TMEM130: variants seen among roughly 807,000 people sequenced by gnomAD.
TMEM130 encodes the protein transmembrane protein 130.
Under a neutral mutation model 42.9 loss-of-function variants are expected in TMEM130, and 37 were observed. The ratio of observed to expected loss-of-function variants is 0.86; its 90% CI spans 0.66 to 1.13. TMEM130 has a LOEUF of 1.13. Ranked by LOEUF, TMEM130 falls within the 50% of genes most tolerant of loss-of-function variation. The pLI, the probability that TMEM130 is intolerant of heterozygous loss-of-function variation, is 0.00. For missense variants in TMEM130, 545 were observed against 562.6 expected, an observed-to-expected ratio of 0.97 and a Z score of 0.32; for synonymous variants, 259 against 237.7, an observed-to-expected ratio of 1.09 and a Z score of -0.82.
intron 2 of TMEM130, 132 bp downstream of exon 2, chr7:98,862,963 G>C: frequency 1.0e-6 from 1 of 992,420 alleles, no homozygotes; most frequent in South Asian, 1.6e-5. Flanking sequence ...CTGACCCGGG[G>C]AAGGAACCTA....
intron 6 of TMEM130, among the ~76,000 whole-genome samples, chr7:98,850,269 A>ATTTTTTTTTTTTTTTTTTT (rs1244635646): frequency 3.3e-5 from 1 of 30,166 alleles, no homozygotes; most frequent in African/African-American, 9.6e-5. Flanking sequence ...ATATATATAT[A>ATTTTTTTTTTTTTTTTTTT]TATATTTTTT....
chr7:98,848,154 A>G lies in TMEM130; in HGVS notation c.1174T>C (p.Phe392Leu). Residue 392 changes from phenylalanine (F) to leucine (L), a missense_variant, in exon 8 of 8, where the codon TTC (phenylalanine) becomes CTC (leucine). Physicochemically the swap from Phe to Leu is conservative, Grantham distance 22 (BLOSUM62 0). Transcript: ENST00000339375. ...RCCCQMCCGP[F>L]LLETPSEYLE... ...TACTCAGATGGAGTCTCCAGCAAGA[A>G]AGGCCCACAGCACATCTGGCAGCAG... 1 of 1,614,154 alleles carries G rather than the reference A, an allele frequency of 6.2e-7. No homozygotes were observed. Among genetic ancestry groups the G allele is most frequent in the Non-Finnish European group, 8.5e-7 (1 of 1,180,030 alleles).
chr7:98,857,473 G>T (rs1480127303), intron 3 of TMEM130, among the ~76,000 whole-genome samples: 1 of 152,102 alleles, frequency 6.6e-6, no homozygotes, highest in African/African-American at 2.4e-5. Flanking sequence ...GCCAAGGTGG[G>T]AGGACTGCTT....
intron 1 of TMEM130, among the ~76,000 whole-genome samples, chr7:98,863,789 CTCT>C (rs1282910968): frequency 2.9e-5 from 4 of 136,162 alleles, no homozygotes; most frequent in Non-Finnish European, 4.4e-5. Flanking sequence ...CCTCCCTCCT[CTCT>C]TTTTTCTTTC....
chr7:98,856,065 C>T lies in TMEM130; in HGVS notation c.670G>A (p.Ala224Thr), dbSNP rs1554398949. The T allele has an allele frequency of 9.3e-6, 15 of 1,613,758 alleles. No individual in the cohort carries two copies. Among genetic ancestry groups the T allele is most frequent in the African/African-American group, 1.3e-5 (1 of 75,046 alleles). ...WEEVEPDATR[A>T]VKQKTGDFSA... ...AAGTCCCCGGTCTTCTGCTTCACAG[C>T]CCTCGTGGCATCCGGCTCCACCTCT... Residue 224 changes from alanine to threonine, a missense_variant, in exon 4 of 8, where the codon GCT becomes ACT. Transcript: ENST00000339375.
At chr7:98,854,495 T>C (rs1354534153) in intron 5 of TMEM130, among the ~76,000 whole-genome samples, 1 of 152,130 alleles carries the variant, frequency 6.6e-6, no homozygotes, top group Non-Finnish European at 1.5e-5. Context: ...TCCCAGCACT[T>C]GGGGAGGCCA....
Position 98,863,113 on chromosome 7 carries a change from C to T in TMEM130, c.373G>A (p.Val125Met). 1 of 1,612,966 alleles carries T rather than the reference C, an allele frequency of 6.2e-7. No individual in the cohort carries two copies. The highest frequency in any genetic ancestry group is 8.5e-7 in the Non-Finnish European group (1 of 1,179,588). ...WMCQPVARGF[V>M]VLPITEFLVG... Reference sequence around the variant, plus strand: ...CCCTCACCTGTGATGGGGAGGACCACAAAGCCCCTGGCCACAGGCTGGCAC... The same window carrying T: ...CCCTCACCTGTGATGGGGAGGACCATAAAGCCCCTGGCCACAGGCTGGCAC... The change falls in exon 2 of 8, where the codon GTG becomes ATG. Residue 125 changes from valine to methionine, a missense_variant. Physicochemically the swap from Val to Met is conservative, Grantham distance 21. Transcript: ENST00000339375.
chr7:98,863,474 G>T (rs1025726731), intron 1 of TMEM130, 74 bp from the exon 2 acceptor site: 2 of 1,377,556 alleles, frequency 1.5e-6, no homozygotes, highest in African/African-American at 1.4e-5. Context: ...CTCTGGGCTG[G>T]CATCAACTAT....
In TMEM130 at chr7:98,848,685, C is replaced by T. The variant is rs761256582; in HGVS notation, c.1017G>A (p.Pro339=). 9.9e-5 allele frequency: 160 copies of T among 1,612,190 alleles called. 1 individual carries two copies. The East Asian group carries it at 1.9e-3, about 19-fold the overall frequency. The change falls in exon 7 of 8, where the codon CCG becomes CCA. Residue 339 remains proline, a synonymous_variant. Transcript: ENST00000339375. ...KIQVWPSRIQ[P]AVFAFPCATL... ...TAGCACATGGGAAAGCAAAGACAGC[C>T]GGCTGGATTCCTGGGAATGAAAGAA...
In TMEM130 at chr7:98,852,701, T is replaced by G. The variant is rs528374959; in HGVS notation, c.804-1078A>C. On this transcript the variant is annotated intron_variant, in intron 5 of 7. Transcript: ENST00000339375. ...CCTTTGCCTCCTGGGTTCAAGTGAG[T>G]CTTCCACCTCAGCCTCCCAAGTAGC... Among the ~76,000 whole-genome samples, 5 of 151,620 alleles carry G rather than the reference T, an allele frequency of 3.3e-5. No individual in the cohort carries two copies. The South Asian group carries it at 1.0e-3, about 32-fold the overall frequency.
chr7:98,850,264 TATA>T (rs1287298756), intron 6 of TMEM130, among the ~76,000 whole-genome samples: 16 of 51,260 alleles, frequency 3.1e-4, no homozygotes, highest in African/African-American at 8.6e-4. Flanking sequence ...TATATATATA[TATA>T]TATATATTTT....
At chr7:98,858,789 C>T (rs1251666008) in intron 3 of TMEM130, among the ~76,000 whole-genome samples, 1 of 151,998 alleles carries the variant, frequency 6.6e-6, no homozygotes, top group South Asian at 2.1e-4. Context: ...GAGGTCAAGG[C>T]GGCAGTGATC....
chr7:98,860,070 A>G, intron 3 of TMEM130, 109 bp downstream of exon 3: 1 of 782,074 alleles, frequency 1.3e-6, no homozygotes. Flanking sequence ...CTGCATCTCA[A>G]AAAAAAAAAA....
At chr7:98,856,283 A>G (rs1385124383) in intron 3 of TMEM130, 100 bp from the exon 4 acceptor site, 22 of 1,206,584 alleles carry the variant, frequency 1.8e-5, no homozygotes, top group Non-Finnish European at 2.4e-5. Context: ...GAGTCAGGGG[A>G]GGCTGTACAG....
At chr7:98,855,362 A>C in intron 4 of TMEM130, 38 bp from the exon 5 acceptor site, 1 of 1,583,416 alleles carries the variant, frequency 6.3e-7, no homozygotes, top group Non-Finnish European at 8.6e-7. Flanking sequence ...CCTGGTGGCT[A>C]AGGATTGCTG....
chr7:98,869,761 T>A lies in TMEM130; in HGVS notation c.85+16A>T. The A allele has an allele frequency of 7.3e-7, 1 of 1,369,582 alleles. No individual in the cohort carries two copies. The highest frequency in any genetic ancestry group is 9.4e-7 in the Non-Finnish European group (1 of 1,065,102). The allele number at this position is 1,369,582 out of a possible 1,614,324, so 84.8% of individuals were successfully genotyped here. On this transcript the variant is annotated intron_variant, in intron 1 of 7. Coordinates refer to ENST00000339375, the MANE Select transcript of TMEM130 (RefSeq NM_152913.3). The surrounding 1 kb of genome is among the most constrained non-coding windows in gnomAD (Gnocchi z 4.7). ...GGGCTGCGGCTGCAGGGAGGCCGGATTGCCCAGCGCCTTACCTGCGGCCAC... is the reference window on the plus strand; with the variant it reads ...GGGCTGCGGCTGCAGGGAGGCCGGAATGCCCAGCGCCTTACCTGCGGCCAC...
intron 2 of TMEM130, among the ~76,000 whole-genome samples, chr7:98,860,641 C>T (rs184116352): frequency 1.5e-3 from 233 of 152,140 alleles, no homozygotes; most frequent in Non-Finnish European, 2.4e-3. Flanking sequence ...CAAAAGATGC[C>T]CAAGGTCAGA....
intron 1 of TMEM130, among the ~76,000 whole-genome samples, chr7:98,867,623 G>C (rs1174656183): frequency 2.0e-5 from 3 of 152,172 alleles, no homozygotes; most frequent in Non-Finnish European, 4.4e-5. Context: ...TGGATCAGGA[G>C]GGCAGCCAGC....
intron 1 of TMEM130, among the ~76,000 whole-genome samples, chr7:98,863,794 TTTTC>T (rs1336749957): frequency 1.1e-4 from 16 of 150,966 alleles, no homozygotes; most frequent in African/African-American, 2.7e-4. Flanking sequence ...CTCCTCTCTT[TTTTC>T]TTTCTTTCTC....
Sources: allele counts gnomAD v4.1 joint callset (sites outside exome capture counted in the v4.1 genomes callset), GRCh38; gene constraint gnomAD v4.1.1; non-coding constraint Gnocchi (gnomAD v3.1); transcripts MANE v1.5; gene names NCBI Gene and HGNC (gene_info 2026-07-23, HGNC 2026-07-21).